ANO3: variants seen among roughly 807,000 people sequenced by gnomAD.
The protein encoded by ANO3 is anoctamin-3.
A neutral mutation model predicts 144.8 loss-of-function variants in ANO3; 99 were observed. That is an observed-to-expected ratio of 0.68 (90% CI 0.58 to 0.81). The LOEUF (loss-of-function observed/expected upper bound fraction) is 0.81, where lower values mean the gene tolerates loss of function less well. Among genes scored for constraint, ANO3 ranks in the 30% least tolerant of loss-of-function variants. ANO3 has a pLI of 0.00. For missense variants in ANO3, 905 were observed against 1,202.2 expected, an observed-to-expected ratio of 0.75 and a Z score of 3.66; for synonymous variants, 414 against 392.6, an observed-to-expected ratio of 1.05 and a Z score of -0.64.
At chr11:26,589,030 AT>A (rs1179630804) in intron 14 of ANO3, among the ~76,000 whole-genome samples, 1 of 152,210 alleles carries the variant, frequency 6.6e-6, no homozygotes, top group Non-Finnish European at 1.5e-5. Context: ...GTAATGACTT[AT>A]GGTAGTCCTG....
intron 4 of ANO3, among the ~76,000 whole-genome samples, chr11:26,484,742 C>G (rs1279595020): frequency 6.6e-6 from 1 of 152,188 alleles, no homozygotes; most frequent in Non-Finnish European, 1.5e-5. Context: ...GCACTCAATA[C>G]CAACCCAAGA....
At chr11:26,656,254 T>C (rs1565170450) in intron 25 of ANO3, 49 bp downstream of exon 25, 1 of 1,535,852 alleles carries the variant, frequency 6.5e-7, no homozygotes, top group Non-Finnish European at 9.0e-7. Context: ...TTCCAAGTAC[T>C]CCCCCCTGCA....
At chr11:26,590,464 A>G (rs536825437) in intron 14 of ANO3, among the ~76,000 whole-genome samples, 1 of 152,312 alleles carries the variant, frequency 6.6e-6, no homozygotes, top group South Asian at 2.1e-4. Flanking sequence ...TAGAGCTCCC[A>G]AGATGGTGGC....
At chr11:26,251,867 C>T (rs560023344) in intron 1 of ANO3, among the ~76,000 whole-genome samples, 20 of 152,290 alleles carry the variant, frequency 1.3e-4, no homozygotes, top group South Asian at 4.1e-4. Flanking sequence ...GGGGAAACTG[C>T]CCCCTTGATC....
At chr11:26,276,744 C>T (rs1590229392) in intron 1 of ANO3, among the ~76,000 whole-genome samples, 1 of 152,084 alleles carries the variant, frequency 6.6e-6, no homozygotes, top group South Asian at 2.1e-4. Context: ...ATTGGTTAAC[C>T]TTACTCCTAC....
chr11:26,420,745 C>T (rs1857728168), intron 1 of ANO3, among the ~76,000 whole-genome samples: 1 of 152,038 alleles, frequency 6.6e-6, no homozygotes, highest in East Asian at 1.9e-4. Flanking sequence ...GCTTCATCAA[C>T]TCTTTATTGG....
chr11:26,476,589 T>C (rs1433474185), intron 4 of ANO3, among the ~76,000 whole-genome samples: 1 of 151,972 alleles, frequency 6.6e-6, no homozygotes, highest in East Asian at 1.9e-4. Flanking sequence ...TGATTCTAAG[T>C]TTAAAGGTTT....
intron 13 of ANO3, chr11:26,559,098 T>C (rs561606132): frequency 6.6e-6 from 1 of 152,234 alleles, no homozygotes; most frequent in African/African-American, 2.4e-5. Flanking sequence ...AATAACATTA[T>C]AAAACTATGC....
chr11:26,349,612 G>A (rs1160751976), intron 1 of ANO3, among the ~76,000 whole-genome samples: 5 of 151,908 alleles, frequency 3.3e-5, no homozygotes, highest in Admixed American at 2.6e-4. Context: ...GCAGTGGCGC[G>A]ATCTCAGCTC....
intron 17 of ANO3, among the ~76,000 whole-genome samples, chr11:26,620,796 C>G (rs1484194321): frequency 6.6e-6 from 1 of 152,182 alleles, no homozygotes; most frequent in Non-Finnish European, 1.5e-5. Flanking sequence ...CTGGTTACCA[C>G]TGGTTACCAA....
At chr11:26,595,464 T>TTG (rs1851588232) in intron 14 of ANO3, among the ~76,000 whole-genome samples, 1 of 142,964 alleles carries the variant, frequency 7.0e-6, no homozygotes, top group Admixed American at 7.0e-5. Context: ...AGAGTTGTTT[T>TTG]TTTTTTTTTT....
intron 1 of ANO3, among the ~76,000 whole-genome samples, chr11:26,399,735 C>A (rs11029547): frequency 6.6e-6 from 1 of 151,744 alleles, no homozygotes; most frequent in Non-Finnish European, 1.5e-5. Flanking sequence ...TGCCCCTGCC[C>A]CCTTTCCTGC....
chr11:26,462,921 A>G, intron 3 of ANO3, 109 bp from the exon 4 acceptor site: 1 of 465,062 alleles, frequency 2.2e-6, no homozygotes, highest in Non-Finnish European at 3.8e-6. Flanking sequence ...TTTCTAGTAT[A>G]TATATAGGCT....
chr11:26,541,930 T>C lies in ANO3; in HGVS notation c.1033-17T>C. ...CTAAAAAATAGAACCAAATGTATCT[T>C]ACTTTATCTGTTGCAGGGAGCCTAC... is the stretch of plus-strand genomic sequence containing the variant. On this transcript the variant is annotated splice_polypyrimidine_tract_variant and intron_variant, in intron 10 of 26. Transcript: ENST00000256737. 3 of 1,601,170 alleles carry C rather than the reference T, an allele frequency of 1.9e-6. No homozygotes were observed. The highest frequency in any genetic ancestry group is 2.6e-6 in the Non-Finnish European group (3 of 1,175,294).
intron 5 of ANO3, among the ~76,000 whole-genome samples, chr11:26,512,655 C>T (rs1861711028): frequency 6.6e-6 from 1 of 152,162 alleles, no homozygotes; most frequent in Non-Finnish European, 1.5e-5. Flanking sequence ...TGTGTGTGCA[C>T]TTAGTTTGAC....
At chr11:26,276,783 T>C (rs541226774) in intron 1 of ANO3, among the ~76,000 whole-genome samples, 4 of 152,274 alleles carry the variant, frequency 2.6e-5, no homozygotes, top group Non-Finnish European at 4.4e-5. Flanking sequence ...TCCATCAAAA[T>C]GATATCCTTC....
At chr11:26,221,026 C>G (rs549357284) in intron 1 of ANO3, among the ~76,000 whole-genome samples, 23 of 152,282 alleles carry the variant, frequency 1.5e-4, no homozygotes, top group African/African-American at 5.3e-4. Context: ...TTAGCCAAGT[C>G]TCATTTATGA....
chr11:26,262,240 T>C (rs12222745), intron 1 of ANO3, among the ~76,000 whole-genome samples: 3,049 of 152,350 alleles, frequency 0.02, 61 homozygotes, highest in East Asian at 0.12. Flanking sequence ...TATTTTCTCG[T>C]ACTTCTATTT....
intron 14 of ANO3, among the ~76,000 whole-genome samples, chr11:26,595,306 C>G (rs1457638383): frequency 2.6e-5 from 4 of 152,170 alleles, no homozygotes; most frequent in Non-Finnish European, 5.9e-5. Flanking sequence ...TTGCCTTTGG[C>G]TCAGGGGTGA....
Sources: allele counts gnomAD v4.1 joint callset (sites outside exome capture counted in the v4.1 genomes callset), GRCh38; gene constraint gnomAD v4.1.1; transcripts MANE v1.5; gene names NCBI Gene and HGNC (gene_info 2026-07-23, HGNC 2026-07-21).